Variants in LINGO2 observed in about 807,000 individuals in gnomAD.
LINGO2 encodes leucine-rich repeat and immunoglobulin-like domain-containing nogo receptor-interacting protein 2.
LINGO2 carries 14 observed loss-of-function variants against 30.6 expected under a neutral mutation model. That is an observed-to-expected ratio of 0.46 (90% CI 0.30 to 0.72). The LOEUF (loss-of-function observed/expected upper bound fraction) is 0.72. LINGO2 is among the 30% of genes least tolerant of loss of function. LINGO2 has a pLI of 0.07. For missense variants in LINGO2, 729 were observed against 751.7 expected, an observed-to-expected ratio of 0.97 and a Z score of 0.35; for synonymous variants, 317 against 288.5, an observed-to-expected ratio of 1.10 and a Z score of -1.00.
the LINGO2 span, among the ~76,000 whole-genome samples, chr9:28,678,625 T>A: frequency 6.6e-6 from 1 of 152,110 alleles, no homozygotes; most frequent in African/African-American, 2.4e-5. Context: ...TACAATATCA[T>A]TTACCTAAAG....
At chr9:29,100,020 T>C in the LINGO2 span, among the ~76,000 whole-genome samples, 11 of 152,030 alleles carry the variant, frequency 7.2e-5, no homozygotes, top group Non-Finnish European at 8.8e-5. Context: ...GAAAATGTGG[T>C]ACATAGACAC....
intron 4 of LINGO2, among the ~76,000 whole-genome samples, chr9:28,016,797 G>A (rs913243887): frequency 6.6e-6 from 1 of 151,344 alleles, no homozygotes; most frequent in Non-Finnish European, 1.5e-5. Context: ...ACGGAAAATA[G>A]TCCAAAAAAT....
chr9:28,196,407 G>T (rs547390338), intron 4 of LINGO2, among the ~76,000 whole-genome samples: 33 of 151,902 alleles, frequency 2.2e-4, no homozygotes, highest in African/African-American at 7.0e-4. Flanking sequence ...ATGAAAGGTA[G>T]TTGCTCAAAA....
At chr9:28,384,164 T>C (rs1306484493) in intron 2 of LINGO2, among the ~76,000 whole-genome samples, 2 of 151,580 alleles carry the variant, frequency 1.3e-5, no homozygotes, top group Non-Finnish European at 2.9e-5. Context: ...CAATTACAGA[T>C]TTTTAATAAT....
At chr9:28,778,040 T>G in the LINGO2 span, among the ~76,000 whole-genome samples, 1 of 152,112 alleles carries the variant, frequency 6.6e-6, no homozygotes, top group Admixed American at 6.6e-5. Flanking sequence ...TCTGATATGA[T>G]TGATAGTGGC....
At chr9:28,467,127 G>A (rs958647054) in intron 2 of LINGO2, among the ~76,000 whole-genome samples, 5 of 151,648 alleles carry the variant, frequency 3.3e-5, no homozygotes, top group South Asian at 2.1e-4. Flanking sequence ...CTGGGTTCAC[G>A]CCATTCTCCT....
rs191921221 is a variant in LINGO2, at chr9:28,431,734, C to A, written c.-279+44206G>T. Among the ~76,000 whole-genome samples the A allele has an allele frequency of 4.3e-3, 662 of 152,248 alleles. 3 individuals carry two copies. Among genetic ancestry groups the A allele is most frequent in the African/African-American group, 0.015 (629 of 41,552 alleles). ...AGCCCTGTGGCTGAAACACTGACAT[C>A]TATGGATGCAGTTTTATATAATAAA... On this transcript the variant is annotated intron_variant, in intron 2 of 5. Coordinates refer to ENST00000379992, the Ensembl canonical transcript of LINGO2.
the LINGO2 span, among the ~76,000 whole-genome samples, chr9:28,847,607 G>A: frequency 8.2e-5 from 12 of 145,726 alleles, 1 homozygote; most frequent in African/African-American, 2.3e-4. Flanking sequence ...CACATGTCAA[G>A]ACTAGAAAAT....
chr9:28,629,458 C>T (rs908745054), intron 1 of LINGO2, among the ~76,000 whole-genome samples: 12 of 151,954 alleles, frequency 7.9e-5, no homozygotes, highest in Admixed American at 2.0e-4. Flanking sequence ...TAAAAATTTC[C>T]CTTTCTCTTA....
At chr9:27,979,376 G>A (rs983037003) in intron 5 of LINGO2, among the ~76,000 whole-genome samples, 2 of 151,888 alleles carry the variant, frequency 1.3e-5, no homozygotes, top group East Asian at 1.9e-4. Context: ...TCAGTTAAAA[G>A]GAAAGGCCTA....
the LINGO2 span, among the ~76,000 whole-genome samples, chr9:29,168,008 A>G: frequency 6.6e-6 from 1 of 152,160 alleles, no homozygotes; most frequent in African/African-American, 2.4e-5. Context: ...TCATCTATAT[A>G]TCGAAATCCA....
intron 1 of LINGO2, among the ~76,000 whole-genome samples, chr9:28,611,380 G>C (rs1825908003): frequency 6.6e-6 from 1 of 151,686 alleles, no homozygotes; most frequent in African/African-American, 2.4e-5. Flanking sequence ...TGAGATGTGA[G>C]AGCATTAAAT....
chr9:27,969,319 C>G (rs1368464148), intron 5 of LINGO2, among the ~76,000 whole-genome samples: 2 of 152,118 alleles, frequency 1.3e-5, no homozygotes, highest in South Asian at 2.1e-4. Context: ...TAGGTGAACA[C>G]TTAGTTCAGT....
At chr9:28,987,948 T>C in the LINGO2 span, among the ~76,000 whole-genome samples, 2 of 152,138 alleles carry the variant, frequency 1.3e-5, no homozygotes, top group Non-Finnish European at 2.9e-5. Flanking sequence ...TTGTGCCTTA[T>C]CATGTGATCT....
chr9:28,740,249 T>C, the LINGO2 span, among the ~76,000 whole-genome samples: 1 of 151,866 alleles, frequency 6.6e-6, no homozygotes, highest in Non-Finnish European at 1.5e-5. Flanking sequence ...CAGTATTCTA[T>C]AGATATCTGC....
exon 6 of LINGO2, chr9:27,950,649 C>G: frequency 6.6e-7 from 1 of 1,510,820 alleles, no homozygotes; most frequent in Admixed American, 2.3e-5. Flanking sequence ...TGGCTGCCAG[C>G]ATGATATGGC....
chr9:28,055,616 A>G (rs1395133180), intron 4 of LINGO2, among the ~76,000 whole-genome samples: 1 of 152,172 alleles, frequency 6.6e-6, no homozygotes, highest in Non-Finnish European at 1.5e-5. Context: ...TCTCTATCAT[A>G]GGCTTACATA....
intron 3 of LINGO2, among the ~76,000 whole-genome samples, chr9:28,340,069 T>C (rs1825717418): frequency 6.6e-6 from 1 of 152,154 alleles, no homozygotes; most frequent in Admixed American, 6.6e-5. Flanking sequence ...ATACTGTATA[T>C]ATACTATTGT....
At chr9:28,173,356 C>G (rs180944420) in intron 4 of LINGO2, among the ~76,000 whole-genome samples, 82 of 152,196 alleles carry the variant, frequency 5.4e-4, no homozygotes, top group Non-Finnish European at 1.0e-3. Context: ...TACTGAAGGA[C>G]TTGATACTGT....
Sources: gnomAD v4.1 joint callset for allele counts (sites outside exome capture counted in the v4.1 genomes callset) on GRCh38, gnomAD v4.1.1 for gene constraint, MANE v1.5 for transcripts, NCBI Gene and HGNC (gene_info 2026-07-23, HGNC 2026-07-21) for gene names.